CEP192: variants seen among roughly 807,000 people sequenced by gnomAD.
The protein encoded by CEP192 is centrosomal protein 192.
A neutral mutation model predicts 271.8 loss-of-function variants in CEP192; 151 were observed. The observed-to-expected ratio is 0.56, with a 90% CI of 0.49 to 0.64. The LOEUF (loss-of-function observed/expected upper bound fraction) is 0.64, where lower values mean the gene tolerates loss of function less well. CEP192 is among the 30% of genes least tolerant of loss of function. The pLI, the probability that CEP192 is intolerant of heterozygous loss-of-function variation, is 0.00. For synonymous variants in CEP192, 995 were observed against 1,076.5 expected (o/e 0.92, Z 1.48); for missense variants, 2,910 against 3,020.5 (o/e 0.96, Z 0.86).
chr18:13,048,586 A>C (rs1342904854), intron 15 of CEP192, among the ~76,000 whole-genome samples: 2 of 152,256 alleles, frequency 1.3e-5, no homozygotes, highest in African/African-American at 4.8e-5. Flanking sequence ...AAAGAAGGAC[A>C]GAGAAATTCA....
At position 13,068,119 on chromosome 18, in the gene CEP192, C is replaced by T. The variant is rs141331552; in HGVS notation, c.4640C>T (p.Thr1547Met). ...NANAVAWRCF[T>M]FSKESVRAPV... Reference sequence around the variant, plus strand: ...AACGCTGTAGCCTGGCGCTGTTTCACGTTTTCCAAGGAATCCGTCCGAGCT... The same window carrying T: ...AACGCTGTAGCCTGGCGCTGTTTCATGTTTTCCAAGGAATCCGTCCGAGCT... The change falls in exon 23 of 45, where the codon ACG becomes ATG. Residue 1547 changes from threonine (T) to methionine (M), a missense_variant. Thr to Met is a moderately conservative substitution (Grantham distance 81). Transcript: ENST00000506447. The T allele has an allele frequency of 1.3e-5, 21 of 1,614,188 alleles. No homozygotes were observed. Among genetic ancestry groups the T allele is most frequent in the Admixed American group, 6.7e-5 (4 of 60,022 alleles).
chr18:13,013,584 C>T (rs1210179823), intron 5 of CEP192, among the ~76,000 whole-genome samples: 1 of 152,126 alleles, frequency 6.6e-6, no homozygotes, highest in African/African-American at 2.4e-5. Flanking sequence ...GAGCCTGGAT[C>T]TAATGTCCAC....
At position 13,041,026 on chromosome 18, in the gene CEP192, G is replaced by T. The variant is rs542752262; in HGVS notation, c.1936+70G>T. ...AAATGCGTAACTTAGGGGTTAAATG[G>T]GTGACCGTGTTCTTTATGAGTGAAA... On this transcript the variant is annotated intron_variant, in intron 14 of 44. Transcript: ENST00000506447. 47 of 1,332,964 alleles carry T rather than the reference G, an allele frequency of 3.5e-5. No homozygotes were observed. The Admixed American group carries it at 3.6e-4, about 10-fold the overall frequency. 82.6% of individuals were successfully genotyped at this position (1,332,964 alleles called of 1,614,324 possible). A position where few individuals can be genotyped will look rare whatever the true frequency, so the allele number is the denominator to read the frequency against.
chr18:13,008,260 C>T lies in CEP192; in HGVS notation c.291-196C>T, dbSNP rs1396278321. On this transcript the variant is annotated intron_variant, in intron 3 of 44. Coordinates refer to ENST00000506447, the MANE Select transcript of CEP192 (RefSeq NM_032142.4). ...ATTTTGGTAGACTGTATCACTGGAC[C>T]CAAAATGTTGGTTCAGTCCCCAGAA... Among the ~76,000 whole-genome samples the T allele has an allele frequency of 2.0e-5, 3 of 152,000 alleles. No homozygotes were observed. In the East Asian group the frequency reaches 5.8e-4, roughly 29 times the overall value.
rs114255009 is a variant in CEP192, at chr18:13,122,760, A to G, written c.7476-1872A>G. Among the ~76,000 whole-genome samples the G allele has an allele frequency of 3.0e-3, 453 of 152,198 alleles. 6 individuals are homozygous for G. The East Asian group carries it at 0.037, about 12-fold the overall frequency. On this transcript the variant is annotated intron_variant, in intron 44 of 44. Coordinates refer to ENST00000506447, the MANE Select transcript of CEP192 (RefSeq NM_032142.4). ...TCTGCGTGCCTTTGCAATTACATCT[A>G]TCATTAGCTAGAGAGAGGATCTGAA...
chr18:13,106,844 A>G (rs1287337957), intron 40 of CEP192, among the ~76,000 whole-genome samples: 5 of 152,266 alleles, frequency 3.3e-5, no homozygotes, highest in Non-Finnish European at 5.9e-5. Context: ...ATCATATTGT[A>G]TGATTGACTA....
chr18:13,057,716 A>G lies in CEP192; in HGVS notation c.4240A>G (p.Ser1414Gly). Residue 1414 changes from serine to glycine, a missense_variant, in exon 20 of 45, where the codon AGT (serine) becomes GGT (glycine). Coordinates refer to ENST00000506447, the MANE Select transcript of CEP192 (RefSeq NM_032142.4). ...AGTCAGCATTGGGGTCCTCAGCATT[A>G]GTGTTAATGGTGAAAAGGTAGCTTT... Reference protein sequence around the residue: ...LQVSIGVLSISVNGEKVDLST... With the variant: ...LQVSIGVLSIGVNGEKVDLST... The G allele has an allele frequency of 6.2e-7, 1 of 1,614,046 alleles. No homozygotes were observed. Among genetic ancestry groups the G allele is most frequent in the Non-Finnish European group, 8.5e-7 (1 of 1,180,000 alleles).
intron 21 of CEP192, among the ~76,000 whole-genome samples, chr18:13,060,919 G>A (rs768835148): frequency 1.4e-4 from 14 of 96,852 alleles, no homozygotes; most frequent in Non-Finnish European, 2.7e-4. Flanking sequence ...GCGAGACCCA[G>A]TCTTAAAAGG....
intron 30 of CEP192, 37 bp from the exon 31 acceptor site, chr18:13,086,980 A>T (rs2038924437): frequency 6.9e-7 from 1 of 1,456,188 alleles, no homozygotes; most frequent in African/African-American, 1.4e-5. Context: ...TTTCTGCTTA[A>T]CATTAAAATA....
At chr18:13,031,655 A>G (rs1342699332) in intron 11 of CEP192, among the ~76,000 whole-genome samples, 1 of 152,128 alleles carries the variant, frequency 6.6e-6, no homozygotes, top group Non-Finnish European at 1.5e-5. Flanking sequence ...ACAGCAATAA[A>G]TTAGGTAGTA....
intron 40 of CEP192, among the ~76,000 whole-genome samples, chr18:13,106,333 CA>C (rs2039944024): frequency 6.6e-6 from 1 of 151,960 alleles, no homozygotes; most frequent in Non-Finnish European, 1.5e-5. Context: ...CAACTACCAT[CA>C]TCTTCTGCAC....
chr18:13,059,500 CA>C (rs1343124205), intron 21 of CEP192, among the ~76,000 whole-genome samples, 188 bp downstream of exon 21: 4 of 152,146 alleles, frequency 2.6e-5, no homozygotes, highest in Non-Finnish European at 4.4e-5. Context: ...TACAGTAACA[CA>C]AGTATACTTG....
At chr18:13,123,526 C>G (rs761285756) in intron 44 of CEP192, among the ~76,000 whole-genome samples, 2 of 152,110 alleles carry the variant, frequency 1.3e-5, no homozygotes, top group East Asian at 1.9e-4. Context: ...TGCTGGAAAC[C>G]GAAACGTACA....
chr18:13,061,942 T>C (rs1043656143), intron 21 of CEP192, among the ~76,000 whole-genome samples: 2 of 152,216 alleles, frequency 1.3e-5, no homozygotes, highest in African/African-American at 4.8e-5. Flanking sequence ...TACATTTCAC[T>C]ATATCAGACT....
chr18:13,100,527 A>C lies in CEP192; in HGVS notation c.6871+15A>C, dbSNP rs2039656046. The stretch of plus-strand genomic sequence containing the variant: ...TGAAACTTCAGGTATTGTATCACAA[A>C]ATTATGTAATTCAAATGTCTGCTGA... On this transcript the variant is annotated intron_variant, in intron 38 of 44. Transcript: ENST00000506447. 2 of 1,554,868 alleles carry C rather than the reference A, an allele frequency of 1.3e-6. No individual in the cohort carries two copies. Among genetic ancestry groups the C allele is most frequent in the Non-Finnish European group, 8.9e-7 (1 of 1,128,450 alleles).
In CEP192 at chr18:13,056,329, G is replaced by T; in HGVS notation, c.3739G>T (p.Val1247Leu). The T allele has an allele frequency of 6.2e-7, 1 of 1,614,234 alleles. No homozygotes were observed. Among genetic ancestry groups the T allele is most frequent in the Non-Finnish European group, 8.5e-7 (1 of 1,180,044 alleles). ...VADMQNMPAA[V>L]HALLTQPSLS... ...TGACATGCAGAACATGCCTGCTGCT[G>T]TGCACGCACTCTTGACACAACCCTC... Residue 1247 changes from valine (V) to leucine (L), a missense_variant, in exon 19 of 45, where the codon GTG (valine) becomes TTG (leucine). By Grantham distance (32) the Val-to-Leu change is conservative. Coordinates refer to ENST00000506447, the MANE Select transcript of CEP192 (RefSeq NM_032142.4).
chr18:13,024,435 CTCTT>C (rs1283499433), intron 9 of CEP192: 10 of 415,336 alleles, frequency 2.4e-5, no homozygotes, highest in African/African-American at 1.7e-4. Context: ...CTCTGAAAAT[CTCTT>C]TCAGTTGGTG....
At chr18:13,030,812 CA>C (rs891599188) in intron 11 of CEP192, among the ~76,000 whole-genome samples, 5 of 152,184 alleles carry the variant, frequency 3.3e-5, no homozygotes, top group Admixed American at 6.5e-5. Flanking sequence ...TTTCCTTAAG[CA>C]AAGCCAATGA....
At chr18:13,108,696 A>G (rs2040069987) in intron 40 of CEP192, among the ~76,000 whole-genome samples, 1 of 152,134 alleles carries the variant, frequency 6.6e-6, no homozygotes, top group African/African-American at 2.4e-5. Context: ...TACAGAAATT[A>G]GCTGGGCATG....
Sources: allele counts gnomAD v4.1 joint callset (sites outside exome capture counted in the v4.1 genomes callset), GRCh38; gene constraint gnomAD v4.1.1; transcripts MANE v1.5; gene names NCBI Gene and HGNC (gene_info 2026-07-23, HGNC 2026-07-21).